The following PLXDC2 variants were observed in gnomAD, a reference collection of about 807,000 sequenced individuals.
PLXDC2 encodes plexin domain-containing protein 2.
A neutral mutation model predicts 68.9 loss-of-function variants in PLXDC2; 40 were observed. That is an observed-to-expected ratio of 0.58 (90% CI 0.45 to 0.76). The LOEUF is 0.76. Among genes scored for constraint, PLXDC2 ranks in the 30% least tolerant of loss-of-function variants. The pLI is 0.00. For missense variants in PLXDC2, 644 were observed against 661.9 expected, an observed-to-expected ratio of 0.97 and a Z score of 0.30; for synonymous variants, 243 against 234.2, an observed-to-expected ratio of 1.04 and a Z score of -0.34.
intron 1 of PLXDC2, among the ~76,000 whole-genome samples, chr10:19,968,202 C>CA (rs1455599224): frequency 6.6e-6 from 1 of 152,164 alleles, no homozygotes; most frequent in African/African-American, 2.4e-5. Flanking sequence ...TGCTCTGAGA[C>CA]AGTGAACCCT....
At chr10:20,241,945 CATGGATGGATGGATGG>C (rs1045702659) in intron 12 of PLXDC2, among the ~76,000 whole-genome samples, 1 of 151,372 alleles carries the variant, frequency 6.6e-6, no homozygotes, top group Admixed American at 6.6e-5. Context: ...TAGATGGATG[CATGGATGGATGGATGG>C]ATGGATGGAG....
intron 9 of PLXDC2, among the ~76,000 whole-genome samples, chr10:20,187,165 T>C (rs1375850683): frequency 2.0e-5 from 3 of 151,814 alleles, no homozygotes; most frequent in East Asian, 3.9e-4. Context: ...GGATACCTAG[T>C]GGCACAGCCA....
At chr10:20,245,961 G>GA (rs1835589447) in intron 13 of PLXDC2, among the ~76,000 whole-genome samples, 1 of 152,026 alleles carries the variant, frequency 6.6e-6, no homozygotes, top group Admixed American at 6.6e-5. Context: ...AAACCGTTTG[G>GA]AAAAAATATG....
chr10:19,817,325 T>A, intron 1 of PLXDC2, 134 bp downstream of exon 1: 1 of 745,970 alleles, frequency 1.3e-6, no homozygotes, highest in Non-Finnish European at 2.2e-6. Context: ...GCTTTTCGGC[T>A]AAACTTAGGC....
chr10:20,098,556 T>A (rs926881518), intron 4 of PLXDC2, among the ~76,000 whole-genome samples: 1 of 152,140 alleles, frequency 6.6e-6, no homozygotes, highest in African/African-American at 2.4e-5. Flanking sequence ...TTCCAGAGAT[T>A]AAGACATGAA....
intron 1 of PLXDC2, among the ~76,000 whole-genome samples, chr10:19,982,447 TA>T (rs1834566178): frequency 1.3e-5 from 2 of 152,224 alleles, no homozygotes; most frequent in Admixed American, 6.5e-5. Flanking sequence ...TCAGTTGTGG[TA>T]CAGGCTGCTC....
rs1215462286 is a variant in PLXDC2, at chr10:20,285,248, A to G, written c.*5429A>G. The G allele has an allele frequency of 6.6e-6, 1 of 152,118 alleles. No homozygotes were observed. 9.4% of individuals were successfully genotyped at this position (152,118 alleles called of 1,614,324 possible). A position where few individuals can be genotyped will look rare whatever the true frequency, so the allele number is the denominator to read the frequency against. ...ACCTTATGTTTGTGAAGCATTTTAC[A>G]TTTTACAGAGCACTTTGATTCATCT... On this transcript the variant is annotated 3_prime_UTR_variant, in exon 14 of 14. Coordinates refer to ENST00000377252, the MANE Select transcript of PLXDC2 (RefSeq NM_032812.9).
intron 1 of PLXDC2, among the ~76,000 whole-genome samples, chr10:19,971,307 A>G (rs1166320190): frequency 6.6e-6 from 1 of 152,184 alleles, no homozygotes; most frequent in African/African-American, 2.4e-5. Context: ...TTATTTCAAG[A>G]GGTGAAAATC....
At chr10:20,228,944 A>C (rs978994446) in intron 12 of PLXDC2, among the ~76,000 whole-genome samples, 2 of 152,216 alleles carry the variant, frequency 1.3e-5, no homozygotes, top group African/African-American at 4.8e-5. Flanking sequence ...ATTGCATAAC[A>C]GTCCACCATT....
intron 2 of PLXDC2, among the ~76,000 whole-genome samples, chr10:20,044,293 CT>C (rs1412550830): frequency 3.0e-5 from 2 of 67,118 alleles, no homozygotes; most frequent in Non-Finnish European, 6.0e-5. Context: ...TTCTTTCTTT[CT>C]TCTTTCTCTC....
intron 13 of PLXDC2, among the ~76,000 whole-genome samples, chr10:20,259,005 C>A (rs1835777749): frequency 8.6e-6 from 1 of 116,346 alleles, no homozygotes; most frequent in Admixed American, 9.3e-5. Context: ...GATACTCCGT[C>A]TCAAAAAAAA....
chr10:20,167,942 A>C (rs1430224479), intron 7 of PLXDC2, among the ~76,000 whole-genome samples: 2 of 152,084 alleles, frequency 1.3e-5, no homozygotes, highest in Admixed American at 6.6e-5. Context: ...CTTGTTTTTC[A>C]GTTTTTGAAG....
intron 4 of PLXDC2, among the ~76,000 whole-genome samples, chr10:20,081,594 C>G (rs553022927): frequency 2.6e-5 from 4 of 151,980 alleles, no homozygotes; most frequent in Non-Finnish European, 4.4e-5. Context: ...CTAGGAAGCT[C>G]GGAGAAAAAC....
At chr10:20,267,436 G>C (rs1316542344) in intron 13 of PLXDC2, among the ~76,000 whole-genome samples, 2 of 152,142 alleles carry the variant, frequency 1.3e-5, no homozygotes, top group Non-Finnish European at 2.9e-5. Flanking sequence ...ATAGCACCAA[G>C]AAGGCAGCAG....
chr10:19,962,500 C>G (rs1048758335), intron 1 of PLXDC2, among the ~76,000 whole-genome samples: 1 of 147,538 alleles, frequency 6.8e-6, no homozygotes, highest in Non-Finnish European at 1.5e-5. Flanking sequence ...ACGCCATTCT[C>G]CCGCCTCAGC....
intron 3 of PLXDC2, among the ~76,000 whole-genome samples, chr10:20,066,617 G>T (rs1836216900): frequency 1.3e-5 from 2 of 152,034 alleles, no homozygotes; most frequent in African/African-American, 4.8e-5. Flanking sequence ...GAGTTTTGTT[G>T]TTCCTGTTAG....
At chr10:20,017,610 G>C (rs1201491764) in intron 2 of PLXDC2, among the ~76,000 whole-genome samples, 1 of 152,158 alleles carries the variant, frequency 6.6e-6, no homozygotes, top group African/African-American at 2.4e-5. Context: ...CCTCCGAACA[G>C]AATTCATCCG....
intron 4 of PLXDC2, among the ~76,000 whole-genome samples, chr10:20,118,547 G>A (rs1833652668): frequency 6.6e-6 from 1 of 152,190 alleles, no homozygotes; most frequent in African/African-American, 2.4e-5. Context: ...GAGCGGCACT[G>A]CACAAAAGTG....
At chr10:20,152,136 A>T (rs979059876) in intron 6 of PLXDC2, among the ~76,000 whole-genome samples, 1 of 152,084 alleles carries the variant, frequency 6.6e-6, no homozygotes, top group South Asian at 2.1e-4. Flanking sequence ...AAATATTGTC[A>T]TTTCTTCAAT....
Sources: gnomAD v4.1 joint callset for allele counts (sites outside exome capture counted in the v4.1 genomes callset) on GRCh38, gnomAD v4.1.1 for gene constraint, MANE v1.5 for transcripts, NCBI Gene and HGNC (gene_info 2026-07-23, HGNC 2026-07-21) for gene names.